The following MCM6 variants were observed in gnomAD, a reference collection of about 807,000 sequenced individuals.
MCM6 encodes DNA replication licensing factor MCM6.
MCM6 carries 46 observed loss-of-function variants against 94.3 expected under a neutral mutation model. That is an observed-to-expected ratio of 0.49 (90% CI 0.39 to 0.62). MCM6 has a LOEUF of 0.62. Among genes scored for constraint, MCM6 ranks in the 20% least tolerant of loss-of-function variants. MCM6 has a pLI of 0.00. For synonymous variants in MCM6, 335 were observed against 351.9 expected, an observed-to-expected ratio of 0.95 and a Z score of 0.54; for missense variants, 865 against 1,017.9, an observed-to-expected ratio of 0.85 and a Z score of 2.04.
At chr2:135,864,976 A>C in intron 7 of MCM6, 37 bp downstream of exon 7, 5 of 1,332,964 alleles carry the variant, frequency 3.8e-6, no homozygotes, top group Non-Finnish European at 4.9e-6. Flanking sequence ...CATTATTTTG[A>C]TTTCAAGTTT....
At chr2:135,856,956 T>G in intron 10 of MCM6, 73 bp from the exon 11 acceptor site, 1 of 1,362,836 alleles carries the variant, frequency 7.3e-7, no homozygotes, top group Non-Finnish European at 1.0e-6. Context: ...ACATGTTCAA[T>G]CTCACCCATA....
intron 5 of MCM6, 142 bp downstream of exon 5, chr2:135,866,421 C>A: frequency 7.2e-7 from 1 of 1,394,344 alleles, no homozygotes; most frequent in Non-Finnish European, 9.8e-7. Flanking sequence ...GTGGCAAAAC[C>A]AATTTGTTTT....
chr2:135,856,764 G>C lies in MCM6; in HGVS notation c.1590C>G (p.Phe530Leu). Residue 530 changes from phenylalanine (F) to leucine (L), a missense_variant, in exon 11 of 17, where the codon TTC becomes TTG. Physicochemically the swap from Phe to Leu is conservative, Grantham distance 22. Coordinates refer to ENST00000264156, the MANE Select transcript of MCM6 (RefSeq NM_005915.6). Reference protein sequence around the residue: ...INLSAPIMSRFDLFFILVDEC... With the variant: ...INLSAPIMSRLDLFFILVDEC... ...CATCCACAAGGATAAAGAAGAGATC[G>C]AATCGGGACATGATGGGAGCTGACA... 1 of 1,614,120 alleles carries C rather than the reference G, an allele frequency of 6.2e-7. No homozygotes were observed. The highest frequency in any genetic ancestry group is 8.5e-7 in the Non-Finnish European group (1 of 1,180,016).
chr2:135,847,942 G>A lies in MCM6; in HGVS notation c.2053+111C>T, dbSNP rs1679702138. The A allele has an allele frequency of 1.3e-5, 9 of 695,664 alleles. 1 individual carries two copies. Among genetic ancestry groups the A allele is most frequent in the South Asian group, 7.0e-5 (3 of 43,056 alleles). 43.1% of individuals were successfully genotyped at this position (695,664 alleles called of 1,614,324 possible). ...ATAGAATTCAGTATCTGCTTTTTCC[G>A]TTTTGCTACCATAGACTATTAGCCA... On this transcript the variant is annotated intron_variant, in intron 14 of 16. Transcript: ENST00000264156.
chr2:135,847,970 A>G (rs910609986), intron 14 of MCM6, 83 bp downstream of exon 14: 4 of 1,003,274 alleles, frequency 4.0e-6, no homozygotes, highest in Non-Finnish European at 6.1e-6. Flanking sequence ...ATTAGCCAAC[A>G]GCAGGTGTAC....
chr2:135,844,979 T>A (rs1679643228), intron 15 of MCM6, among the ~76,000 whole-genome samples: 1 of 152,218 alleles, frequency 6.6e-6, no homozygotes, highest in Admixed American at 6.5e-5. Context: ...GAAGGTCTTT[T>A]CTTCATCTTC....
At chr2:135,873,427 A>C (rs1680240511) in intron 1 of MCM6, among the ~76,000 whole-genome samples, 1 of 152,232 alleles carries the variant, frequency 6.6e-6, no homozygotes, top group African/African-American at 2.4e-5. Context: ...AAATAAGAAT[A>C]CATGGAAATG....
At chr2:135,867,362 G>C (rs1451921273) in intron 4 of MCM6, among the ~76,000 whole-genome samples, 2 of 151,874 alleles carry the variant, frequency 1.3e-5, no homozygotes, top group African/African-American at 4.8e-5. Flanking sequence ...CCTTTATACA[G>C]TTGTGTTCCC....
intron 16 of MCM6, among the ~76,000 whole-genome samples, chr2:135,843,664 A>G (rs1308951385): frequency 3.4e-5 from 5 of 145,044 alleles, no homozygotes; most frequent in Admixed American, 2.8e-4. Flanking sequence ...TGAACCCAGG[A>G]GGTGGAAGCT....
Position 135,857,971 on chromosome 2 carries a change from C to A in MCM6, c.1396G>T (p.Asp466Tyr). 1 of 1,613,826 alleles carries A rather than the reference C, an allele frequency of 6.2e-7. No individual in the cohort carries two copies. Among genetic ancestry groups the A allele is most frequent in the Non-Finnish European group, 8.5e-7 (1 of 1,180,030 alleles). The change falls in exon 10 of 17, where the codon GAC becomes TAC. Residue 466 changes from aspartate (D) to tyrosine (Y), a missense_variant. Physicochemically the swap from Asp to Tyr is radical, Grantham distance 160. Transcript: ENST00000264156. ...VCCIDEFDKM[D>Y]VRDQVAIHEA... ...TGAATAGCAACTTGATCCCGCACGT[C>A]CATCTTATCAAATTCATCAATACAA...
At chr2:135,866,448 C>T (rs1680096675) in intron 5 of MCM6, 115 bp downstream of exon 5, 9 of 1,405,684 alleles carry the variant, frequency 6.4e-6, no homozygotes, top group South Asian at 2.7e-5. Flanking sequence ...CATCACACTT[C>T]GTTCCTCAGC....
chr2:135,855,131 G>A (rs1679848629), intron 11 of MCM6, among the ~76,000 whole-genome samples: 1 of 152,164 alleles, frequency 6.6e-6, no homozygotes, highest in Admixed American at 6.5e-5. Context: ...AGTCCAGTCT[G>A]GGCAACAGAG....
chr2:135,862,326 ACAAATAATAAAATTTGTATAAAATTTTAT>A, intron 8 of MCM6, among the ~76,000 whole-genome samples: 1 of 140,136 alleles, frequency 7.1e-6, no homozygotes, highest in Admixed American at 7.0e-5. Context: ...AAAATTTTAT[ACAAATAATAAAATTTGTATAAAATTTTAT>A]ACAAATATAT....
At chr2:135,849,591 C>T (rs1487819686) in intron 13 of MCM6, among the ~76,000 whole-genome samples, 4 of 152,136 alleles carry the variant, frequency 2.6e-5, no homozygotes, top group Admixed American at 6.6e-5. Context: ...GAGAACAATG[C>T]GCTGGAACTA....
intron 9 of MCM6, among the ~76,000 whole-genome samples, 154 bp downstream of exon 9, chr2:135,859,147 G>T (rs1197209604): frequency 5.3e-5 from 8 of 152,180 alleles, no homozygotes; most frequent in African/African-American, 1.7e-4. Context: ...ACCCACCTCG[G>T]CTTCCCAAAG....
At chr2:135,873,269 C>A (rs1242258544) in intron 1 of MCM6, among the ~76,000 whole-genome samples, 2 of 152,160 alleles carry the variant, frequency 1.3e-5, no homozygotes, top group African/African-American at 4.8e-5. Flanking sequence ...CAAAAAAACC[C>A]AACAACTAAC....
Position 135,851,400 on chromosome 2 carries a change from ACCT to A in MCM6, c.1916_1917+1del. On this transcript the variant is annotated splice_donor_variant and coding_sequence_variant, in exon 13 of 17. Transcript: ENST00000264156. LOFTEE classifies it high-confidence loss of function. ...CTCATCATATCAAAGTGACTCTGAT[ACCT>A]CATCACAGCAGTGCATCCGAGCCAT... is the stretch of plus-strand genomic sequence containing the variant. The A allele has an allele frequency of 6.2e-7, 1 of 1,610,010 alleles. No homozygotes were observed. Among genetic ancestry groups the A allele is most frequent in the Non-Finnish European group, 8.5e-7 (1 of 1,177,500 alleles).
At position 135,866,201 on chromosome 2, in the gene MCM6, G is replaced by T. The variant is rs1680091680; in HGVS notation, c.858C>A (p.Ala286=). 6.2e-7 allele frequency: 1 copy of T among 1,614,148 alleles called. No individual in the cohort carries two copies. Among genetic ancestry groups the T allele is most frequent in the African/African-American group, 1.3e-5 (1 of 75,018 alleles). Residue 286 remains alanine, a synonymous_variant, in exon 6 of 17, where the codon GCC becomes GCA. Transcript: ENST00000264156. ...TATAAGAAAGGTCCCTAACACCAAG[G>T]GCCCGGAGTCCTCGAATGCCTTCTG... The part of the protein sequence containing the change: ...YETEGIRGLR[A]LGVRDLSYRL...
At chr2:135,872,308 C>T (rs553153093) in intron 2 of MCM6, among the ~76,000 whole-genome samples, 32 of 152,094 alleles carry the variant, frequency 2.1e-4, no homozygotes, top group Middle Eastern at 3.4e-3. Flanking sequence ...ATTAGCCGGG[C>T]GTGATGGTGG....
Sources: allele counts gnomAD v4.1 joint callset (sites outside exome capture counted in the v4.1 genomes callset), GRCh38; gene constraint gnomAD v4.1.1; transcripts MANE v1.5; gene names NCBI Gene and HGNC (gene_info 2026-07-23, HGNC 2026-07-21).